The following USP10 variants were observed in gnomAD, a reference collection of about 807,000 sequenced individuals.
The protein encoded by USP10 is ubiquitin carboxyl-terminal hydrolase 10.
USP10 carries 22 observed loss-of-function variants against 84.5 expected under a neutral mutation model. The observed-to-expected ratio is 0.26, with a 90% confidence interval of 0.19 to 0.37. USP10 has a LOEUF of 0.37. USP10 is among the 10% of genes least tolerant of loss of function. USP10 has a pLI of 1.00. For missense variants in USP10, 1,019 were observed against 998.9 expected (o/e 1.02, Z -0.27); for synonymous variants, 454 against 387.6 (o/e 1.17, Z -2.01).
intron 3 of USP10, among the ~76,000 whole-genome samples, chr16:84,744,183 C>G (rs925866280): frequency 6.6e-6 from 1 of 151,918 alleles, no homozygotes; most frequent in African/African-American, 2.4e-5. Context: ...TTAATCAAAT[C>G]ACGTTAACTA....
rs978621388 is a variant in USP10, at chr16:84,760,243, C to G, written c.1522C>G (p.Leu508Val). Residue 508 changes from leucine to valine, a missense_variant, in exon 8 of 14, where the codon CTG (leucine) becomes GTG (valine). Leu to Val is a conservative substitution (Grantham distance 32). Transcript: ENST00000219473. Reference sequence around the variant, plus strand: ...TGAGCCCACATATATTTACAGACTCCTGACAGTTAACAAGTCAAGCCTGTC... The same window carrying G: ...TGAGCCCACATATATTTACAGACTCGTGACAGTTAACAAGTCAAGCCTGTC... ...AFEPTYIYRL[L>V]TVNKSSLSEK... 7 of 1,610,104 alleles carry G rather than the reference C, an allele frequency of 4.3e-6. No individual in the cohort carries two copies. The highest frequency in any genetic ancestry group is 5.9e-6 in the Non-Finnish European group (7 of 1,178,136).
intron 1 of USP10, among the ~76,000 whole-genome samples, chr16:84,702,312 C>G (rs1904989149): frequency 6.6e-6 from 1 of 152,022 alleles, no homozygotes; most frequent in Admixed American, 6.6e-5. Flanking sequence ...CCGCCTCGGC[C>G]TCTCAAAGTG....
intron 1 of USP10, among the ~76,000 whole-genome samples, chr16:84,727,286 C>T (rs1377702118): frequency 1.3e-5 from 2 of 152,140 alleles, no homozygotes; most frequent in Non-Finnish European, 1.5e-5. Flanking sequence ...TGAAGTCAGA[C>T]ACAGCGTTAT....
At chr16:84,704,739 G>T (rs1905259351) in intron 1 of USP10, 2 of 1,509,304 alleles carry the variant, frequency 1.3e-6, no homozygotes, top group Non-Finnish European at 1.8e-6. Context: ...CTATTTGAAA[G>T]CTCCTGGGCC....
At chr16:84,751,069 C>T (rs534715342) in intron 4 of USP10, among the ~76,000 whole-genome samples, 29 of 152,302 alleles carry the variant, frequency 1.9e-4, no homozygotes, top group Non-Finnish European at 3.1e-4. Context: ...CAACAGACCG[C>T]ATGTACGACA....
chr16:84,719,451 T>C (rs1344572933), intron 1 of USP10, among the ~76,000 whole-genome samples: 2 of 152,178 alleles, frequency 1.3e-5, no homozygotes, highest in African/African-American at 2.4e-5. Flanking sequence ...AAATGAGGCC[T>C]GGACTCCACC....
At chr16:84,757,400 GGGGTGTGTGTGT>G (rs1248590186) in intron 4 of USP10, among the ~76,000 whole-genome samples, 13 of 61,218 alleles carry the variant, frequency 2.1e-4, no homozygotes, top group Middle Eastern at 6.3e-3. Flanking sequence ...GAGAGGGGTG[GGGGTGTGTGTGT>G]GTGTGTGTGT....
At chr16:84,739,745 G>A (rs1035644088) in intron 2 of USP10, among the ~76,000 whole-genome samples, 6 of 152,218 alleles carry the variant, frequency 3.9e-5, no homozygotes, top group African/African-American at 1.2e-4. Context: ...TGCCAAACAA[G>A]GAATGTGACT....
intron 8 of USP10, among the ~76,000 whole-genome samples, chr16:84,761,835 C>G (rs1269041014): frequency 6.6e-6 from 1 of 152,260 alleles, no homozygotes; most frequent in Non-Finnish European, 1.5e-5. Flanking sequence ...ACCTTGCAAG[C>G]AGGCCTTTCC....
chr16:84,704,883 T>G (rs1905274936), intron 1 of USP10: 1 of 1,535,532 alleles, frequency 6.5e-7, no homozygotes, highest in Admixed American at 2.0e-5. Flanking sequence ...GATAGAAATG[T>G]GGTTTGGGGC....
intron 1 of USP10, among the ~76,000 whole-genome samples, chr16:84,718,401 G>A (rs984324652): frequency 1.3e-5 from 2 of 152,120 alleles, no homozygotes; most frequent in Non-Finnish European, 2.9e-5. Flanking sequence ...CTGCAAGTGT[G>A]GGCCACTGTG....
chr16:84,719,382 C>T (rs942529331), intron 1 of USP10, among the ~76,000 whole-genome samples: 1 of 152,204 alleles, frequency 6.6e-6, no homozygotes, highest in Non-Finnish European at 1.5e-5. Flanking sequence ...AATGCCCCTA[C>T]ACAGTGATTC....
At chr16:84,755,856 G>T (rs1309945654) in intron 4 of USP10, among the ~76,000 whole-genome samples, 2 of 151,616 alleles carry the variant, frequency 1.3e-5, no homozygotes, top group Non-Finnish European at 2.9e-5. Flanking sequence ...CGATTTACTG[G>T]TGTCATCTGG....
chr16:84,754,901 G>A (rs1159916796), intron 4 of USP10, among the ~76,000 whole-genome samples: 6 of 151,904 alleles, frequency 3.9e-5, no homozygotes, highest in Admixed American at 2.6e-4. Context: ...AGCACTTTGG[G>A]AATCCAAGGC....
In USP10 at chr16:84,746,094, G is replaced by GTT. The variant is rs1402400925; in HGVS notation, c.1192+432_1192+433dup. ...AGAAATCATTTTGTGAAATAACATG[G>GTT]TTTTTTTTTTTTGGATTGAGTAAAT... is the stretch of plus-strand genomic sequence containing the variant. On this transcript the variant is annotated intron_variant, in intron 4 of 13. Coordinates refer to ENST00000219473, the MANE Select transcript of USP10 (RefSeq NM_005153.3). Among the ~76,000 whole-genome samples the GTT allele has an allele frequency of 1.6e-3, 228 of 142,732 alleles. 1 individual carries two copies. Among genetic ancestry groups the GTT allele is most frequent in the African/African-American group, 4.0e-3 (158 of 39,204 alleles). The allele number at this position is 142,732 out of a possible 152,430, so 93.6% of individuals were successfully genotyped here.
chr16:84,751,339 T>C (rs114105583), intron 4 of USP10, among the ~76,000 whole-genome samples: 174 of 152,368 alleles, frequency 1.1e-3, no homozygotes, highest in African/African-American at 3.9e-3. Flanking sequence ...AACTGATCTT[T>C]ATTTTGGCAG....
rs867846314 is a variant in USP10 at position 84,729,010 on chromosome 16, C to A, written c.22-4425C>A. Among the ~76,000 whole-genome samples the A allele has an allele frequency of 3.9e-5, 6 of 151,972 alleles. No homozygotes were observed. The South Asian group carries it at 1.2e-3, about 32-fold the overall frequency. On this transcript the variant is annotated intron_variant, in intron 1 of 13. Coordinates refer to ENST00000219473, the MANE Select transcript of USP10 (RefSeq NM_005153.3). ...GGTGGATTTCACCATTTTGGCTGGG[C>A]TGGTCTTGAACTCCTGAAGTCAAGT... is the stretch of plus-strand genomic sequence containing the variant.
chr16:84,774,080 A>G (rs62050889), intron 12 of USP10, among the ~76,000 whole-genome samples: 7,004 of 151,814 alleles, frequency 0.046, 227 homozygotes, highest in Middle Eastern at 0.085. Flanking sequence ...TGAAACCCCA[A>G]CTCTTCTAAA....
In USP10 at chr16:84,745,592, C is replaced by A; in HGVS notation, c.1111C>A (p.Pro371Thr). The change falls in exon 4 of 14, where the codon CCC (proline) becomes ACC (threonine). Residue 371 changes from proline (P) to threonine (T), a missense_variant. Physicochemically the swap from Pro to Thr is conservative, Grantham distance 38 (BLOSUM62 -1). Coordinates refer to ENST00000219473, the MANE Select transcript of USP10 (RefSeq NM_005153.3). ...TAAGTATTCCCCTCCCGCCATATCT[C>A]CCCTGGTTTCTGAAAAGCAGGTTGA... is the stretch of plus-strand genomic sequence containing the variant. The part of the protein sequence containing the change: ...ETKYSPPAIS[P>T]LVSEKQVEVK... 6.2e-7 allele frequency: 1 copy of A among 1,613,514 alleles called. No individual in the cohort carries two copies. The highest frequency in any genetic ancestry group is 1.3e-5 in the African/African-American group (1 of 75,010).
Sources: gnomAD v4.1 joint callset for allele counts (sites outside exome capture counted in the v4.1 genomes callset) on GRCh38, gnomAD v4.1.1 for gene constraint, MANE v1.5 for transcripts, NCBI Gene and HGNC (gene_info 2026-07-23, HGNC 2026-07-21) for gene names.